The following PDE1A variants were observed in gnomAD, a reference collection of about 807,000 sequenced individuals.
PDE1A encodes phosphodiesterase 1A.
PDE1A carries 35 observed loss-of-function variants against 61.7 expected under a neutral mutation model. The ratio of observed to expected loss-of-function variants is 0.57; its 90% CI spans 0.43 to 0.75. The LOEUF is 0.75. Ranked by LOEUF, PDE1A falls within the 30% of genes least tolerant of loss-of-function variation. The pLI, the probability that PDE1A is intolerant of heterozygous loss-of-function variation, is 0.00. For synonymous variants in PDE1A, 232 were observed against 213.2 expected, an observed-to-expected ratio of 1.09 and a Z score of -0.77; for missense variants, 597 against 630.6, an observed-to-expected ratio of 0.95 and a Z score of 0.57.
At chr2:182,314,435 C>G (rs150477538) in intron 1 of PDE1A, 1 of 152,038 alleles carries the variant, frequency 6.6e-6, no homozygotes, top group Non-Finnish European at 1.5e-5. Context: ...GTGAACTGGA[C>G]CAGGTCAGAA....
chr2:182,149,895 T>C (rs969338784), intron 13 of PDE1A, among the ~76,000 whole-genome samples: 1 of 152,116 alleles, frequency 6.6e-6, no homozygotes, highest in Non-Finnish European at 1.5e-5. Flanking sequence ...CAAAGTACAA[T>C]TTATAAATAA....
At chr2:182,586,343 C>G in the PDE1A span, among the ~76,000 whole-genome samples, 51 of 152,282 alleles carry the variant, frequency 3.3e-4, no homozygotes, top group African/African-American at 1.2e-3. Context: ...CTACTCTACT[C>G]AGCCCACTAT....
chr2:182,375,693 G>A (rs1208667029), intron 1 of PDE1A, among the ~76,000 whole-genome samples: 2 of 152,222 alleles, frequency 1.3e-5, no homozygotes, highest in Admixed American at 6.5e-5. Flanking sequence ...CCCCAGTAGG[G>A]ATTCTGTGTG....
intron 13 of PDE1A, among the ~76,000 whole-genome samples, chr2:182,169,082 ATTTC>A (rs1251986847): frequency 2.0e-5 from 3 of 152,048 alleles, no homozygotes; most frequent in Admixed American, 6.6e-5. Context: ...ATCATAAATA[ATTTC>A]TTTAACTCAT....
chr2:182,194,737 T>G (rs1192563152), intron 10 of PDE1A, among the ~76,000 whole-genome samples: 1 of 152,056 alleles, frequency 6.6e-6, no homozygotes, highest in East Asian at 1.9e-4. Flanking sequence ...ACAAATAGCT[T>G]GTCTTCCAGA....
At chr2:182,318,069 C>G (rs749277544) in intron 1 of PDE1A, among the ~76,000 whole-genome samples, 6 of 152,128 alleles carry the variant, frequency 3.9e-5, no homozygotes, top group Non-Finnish European at 7.4e-5. Flanking sequence ...ACAGAATTCT[C>G]TGGCTATAAT....
intron 1 of PDE1A, among the ~76,000 whole-genome samples, chr2:182,370,118 A>G (rs1178707267): frequency 6.6e-6 from 1 of 152,160 alleles, no homozygotes; most frequent in African/African-American, 2.4e-5. Flanking sequence ...CAGAGGTTGC[A>G]GTGAGCTGAG....
chr2:182,637,763 A>C, the PDE1A span, among the ~76,000 whole-genome samples: 2,138 of 152,274 alleles, frequency 0.014, 30 homozygotes, highest in Middle Eastern at 0.027. Context: ...TCTACTAAAA[A>C]TACAAAAATT....
chr2:182,145,453 T>G (rs558248079), downstream of PDE1A, among the ~76,000 whole-genome samples: 6 of 152,074 alleles, frequency 3.9e-5, no homozygotes, highest in East Asian at 1.2e-3. Flanking sequence ...AGGGGCCGGG[T>G]GCAGTGGCTC....
chr2:182,552,537 G>T, the PDE1A span, among the ~76,000 whole-genome samples: 1 of 149,446 alleles, frequency 6.7e-6, no homozygotes, highest in Non-Finnish European at 1.5e-5. Flanking sequence ...TGAGAGACAG[G>T]ACTAGCTGGA....
chr2:182,552,036 T>A, the PDE1A span, among the ~76,000 whole-genome samples: 444 of 152,282 alleles, frequency 2.9e-3, 1 homozygote, highest in African/African-American at 0.01. Context: ...TGACTTCCAA[T>A]GATCACTACC....
chr2:182,204,941 T>G (rs1401858108), intron 8 of PDE1A, among the ~76,000 whole-genome samples: 1 of 152,196 alleles, frequency 6.6e-6, no homozygotes, highest in Non-Finnish European at 1.5e-5. Flanking sequence ...ACCAGGAAAC[T>G]TTGAAAATTT....
At chr2:182,386,768 C>T (rs970749266) in intron 1 of PDE1A, among the ~76,000 whole-genome samples, 1 of 151,686 alleles carries the variant, frequency 6.6e-6, no homozygotes, top group African/African-American at 2.4e-5. Flanking sequence ...GGCCAGCCCC[C>T]ACCCGGCCAG....
chr2:182,377,942 G>T (rs1700507593), intron 1 of PDE1A, among the ~76,000 whole-genome samples: 3 of 152,006 alleles, frequency 2.0e-5, no homozygotes. Context: ...TCCCCGCAGG[G>T]TTCATGCCAT....
chr2:182,262,246 T>C (rs2125780724), intron 2 of PDE1A, among the ~76,000 whole-genome samples: 1 of 151,142 alleles, frequency 6.6e-6, no homozygotes, highest in Non-Finnish European at 1.5e-5. Flanking sequence ...CTTTCTTCTT[T>C]TTTTATTTCT....
At chr2:182,441,355 TATATGTATAA>T (rs1340840910) in intron 2 of PDE1A, among the ~76,000 whole-genome samples, 1 of 151,958 alleles carries the variant, frequency 6.6e-6, no homozygotes, top group Non-Finnish European at 1.5e-5. Context: ...ATAATCATTT[TATATGTATAA>T]ATCTCCTATT....
At chr2:182,241,996 A>G (rs767755138) in intron 2 of PDE1A, 48 of 1,453,258 alleles carry the variant, frequency 3.3e-5, no homozygotes, top group Non-Finnish European at 4.2e-5. Context: ...AGATAATGCC[A>G]TTTCTACTAT....
At chr2:182,151,396 C>T (rs1174477417) in intron 13 of PDE1A, among the ~76,000 whole-genome samples, 7 of 152,150 alleles carry the variant, frequency 4.6e-5, no homozygotes, top group Non-Finnish European at 1.0e-4. Flanking sequence ...TGAGCCACCA[C>T]GCCCTGCCCC....
At chr2:182,703,847 C>T in the PDE1A span, among the ~76,000 whole-genome samples, 7 of 152,196 alleles carry the variant, frequency 4.6e-5, no homozygotes, top group South Asian at 1.0e-3. Flanking sequence ...GGTTCCAGCT[C>T]TGGTCAATTC....
Sources: gnomAD v4.1 joint callset for allele counts (sites outside exome capture counted in the v4.1 genomes callset) on GRCh38, gnomAD v4.1.1 for gene constraint, MANE v1.5 for transcripts, NCBI Gene and HGNC (gene_info 2026-07-23, HGNC 2026-07-21) for gene names.